Variants in SHROOM4 observed in about 807,000 individuals in gnomAD.
SHROOM4 encodes shroom family member 4.
A neutral mutation model predicts 80.3 loss-of-function variants in SHROOM4; 17 were observed. The ratio of observed to expected loss-of-function variants is 0.21; its 90% CI spans 0.14 to 0.32. The LOEUF is 0.32. Among genes scored for constraint, SHROOM4 ranks in the 10% least tolerant of loss-of-function variants. The probability of loss-of-function intolerance (pLI) is 1.00; values close to 1 mark genes in which losing one functional copy is unlikely to be tolerated. For synonymous variants in SHROOM4, 400 were observed against 437.5 expected (o/e 0.91, Z 1.07); for missense variants, 993 against 1,140.3 (o/e 0.87, Z 1.86).
chrX:50,654,233 T>C (rs1191465295), intron 2 of SHROOM4, among the ~76,000 whole-genome samples: 2 of 111,568 alleles, frequency 1.8e-5, no homozygotes, highest in African/African-American at 3.3e-5. Context: ...CAGGGGGAGA[T>C]AAGTGCTGGT....
Position 50,795,062 on chromosome X carries a change from G to C in SHROOM4, c.117+18840C>G, listed in dbSNP as rs187024484. Among the ~76,000 whole-genome samples, 44 of 34,045 alleles carry C rather than the reference G, an allele frequency of 1.3e-3. 3 individuals carry two copies. The highest frequency in any genetic ancestry group is 0.033 in the Middle Eastern group (2 of 60). 29.6% of individuals were successfully genotyped at this position (34,045 alleles called of 115,157 possible). Reference sequence around the variant, plus strand: ...TCTCATATATATATGATATATATATGATATATATATATGATATATATATAT... The same window carrying C: ...TCTCATATATATATGATATATATATCATATATATATATGATATATATATAT... On this transcript the variant is annotated intron_variant, in intron 1 of 8. Transcript: ENST00000376020.
chrX:50,801,261 G>GGAGA (rs781878531), intron 1 of SHROOM4, among the ~76,000 whole-genome samples: 953 of 81,520 alleles, frequency 0.012, 15 homozygotes, highest in African/African-American at 0.036. Context: ...GAGAGAAAGA[G>GGAGA]GAGAGAGAGA....
At chrX:50,646,401 G>A (rs1931838696) in intron 2 of SHROOM4, among the ~76,000 whole-genome samples, 2 of 110,282 alleles carry the variant, frequency 1.8e-5, no homozygotes, top group Non-Finnish European at 3.8e-5. Flanking sequence ...GAGGGGAAAA[G>A]CTGCCTGGTC....
chrX:50,691,765 T>C (rs1473247988), intron 2 of SHROOM4, among the ~76,000 whole-genome samples: 1 of 111,891 alleles, frequency 8.9e-6, no homozygotes, highest in African/African-American at 3.3e-5. Context: ...TCTACCTGTA[T>C]AAAACACTAG....
chrX:50,585,792 G>C (rs1333502113), downstream of SHROOM4, among the ~76,000 whole-genome samples: 2 of 111,138 alleles, frequency 1.8e-5, no homozygotes, highest in Non-Finnish European at 3.8e-5. Flanking sequence ...AAAGATACAT[G>C]GTTTTTCTCA....
intron 1 of SHROOM4, among the ~76,000 whole-genome samples, chrX:50,812,749 C>T (rs1376292270): frequency 1.5e-5 from 1 of 68,452 alleles, no homozygotes; most frequent in African/African-American, 4.3e-5. Context: ...TGAACCCCAC[C>T]CCCCCGCAAA....
chrX:50,711,897 A>G (rs1292567270), intron 1 of SHROOM4, among the ~76,000 whole-genome samples: 1 of 112,525 alleles, frequency 8.9e-6, no homozygotes, highest in Non-Finnish European at 1.9e-5. Context: ...AAATCGTACT[A>G]TGTGCAAGGC....
intron 1 of SHROOM4, among the ~76,000 whole-genome samples, chrX:50,712,969 C>T (rs1043959058): frequency 5.4e-5 from 6 of 111,233 alleles, no homozygotes; most frequent in Non-Finnish European, 1.1e-4. Flanking sequence ...TTCTCTGAGT[C>T]CCCTACCTGG....
At chrX:50,641,022 AGTTATGACTATGACT>A (rs1329663248) in intron 2 of SHROOM4, among the ~76,000 whole-genome samples, 1 of 112,538 alleles carries the variant, frequency 8.9e-6, no homozygotes, top group Non-Finnish European at 1.9e-5. Context: ...GACCAATCAT[AGTTATGACTATGACT>A]GTTCCCTCTG....
chrX:50,637,484 T>G (rs1183427513), intron 3 of SHROOM4, among the ~76,000 whole-genome samples: 1 of 112,927 alleles, frequency 8.9e-6, no homozygotes, highest in African/African-American at 3.2e-5. Context: ...TGTCAAAGTG[T>G]GTTTCTGCAT....
intron 1 of SHROOM4, among the ~76,000 whole-genome samples, chrX:50,756,877 T>C (rs1935050006): frequency 8.9e-6 from 1 of 112,189 alleles, no homozygotes. Flanking sequence ...TTATATTTTC[T>C]GAATCTAAAG....
At chrX:50,787,808 A>G (rs1159422795) in intron 1 of SHROOM4, among the ~76,000 whole-genome samples, 2 of 109,457 alleles carry the variant, frequency 1.8e-5, no homozygotes, top group Non-Finnish European at 3.8e-5. Flanking sequence ...AGAATACTAT[A>G]CCTGTCAAAA....
chrX:50,748,322 A>G (rs1197121987), intron 1 of SHROOM4, among the ~76,000 whole-genome samples: 1 of 111,394 alleles, frequency 9.0e-6, no homozygotes, highest in Non-Finnish European at 1.9e-5. Flanking sequence ...AGGTGTTCAT[A>G]CATGTTGGAA....
intron 1 of SHROOM4, among the ~76,000 whole-genome samples, chrX:50,778,909 T>C (rs1339922404): frequency 2.7e-5 from 3 of 111,853 alleles, no homozygotes; most frequent in African/African-American, 9.8e-5. Flanking sequence ...TGTGCCTCAA[T>C]TGCCTCATCC....
rs949903441 is a variant in SHROOM4, at chrX:50,587,045, C to T, written c.*9650G>A. On this transcript the variant is annotated 3_prime_UTR_variant, in exon 9 of 9. Coordinates refer to ENST00000376020, the MANE Select transcript of SHROOM4 (RefSeq NM_020717.5). ...ATTTATACATCTTATGTAGCTGCAA[C>T]TTTGTAGCTTTGACCAACATCCTCA... Among the ~76,000 whole-genome samples, 15 of 111,904 alleles carry T rather than the reference C, an allele frequency of 1.3e-4. No individual in the cohort carries two copies. Among genetic ancestry groups the T allele is most frequent in the African/African-American group, 4.9e-4 (15 of 30,797 alleles).
intron 1 of SHROOM4, among the ~76,000 whole-genome samples, chrX:50,756,341 G>T (rs889073015): frequency 6.3e-4 from 70 of 111,854 alleles, no homozygotes; most frequent in African/African-American, 2.2e-3. Context: ...TTTCACTGCC[G>T]AACAATATTC....
intron 2 of SHROOM4, among the ~76,000 whole-genome samples, chrX:50,680,468 C>T (rs1294783573): frequency 1.8e-5 from 2 of 110,962 alleles, no homozygotes; most frequent in Non-Finnish European, 3.8e-5. Context: ...CAACTGATTA[C>T]ATTTTGTCAC....
chrX:50,602,630 T>C lies in SHROOM4; in HGVS notation c.3942+3A>G, dbSNP rs1266811081. 8.3e-7 allele frequency: 1 copy of C among 1,209,125 alleles called. No homozygotes were observed. The highest frequency in any genetic ancestry group is 1.1e-6 in the Non-Finnish European group (1 of 894,757). On this transcript the variant is annotated splice_donor_region_variant and intron_variant, in intron 7 of 8. Coordinates refer to ENST00000376020, the MANE Select transcript of SHROOM4 (RefSeq NM_020717.5). The stretch of plus-strand genomic sequence containing the variant: ...ATCTCTAGGACACATCAAAAAACTT[T>C]ACCTTTTTTTGAGCCAGTTCATGGT...
intron 1 of SHROOM4, among the ~76,000 whole-genome samples, chrX:50,796,850 C>T (rs1557272160): frequency 9.1e-6 from 1 of 110,240 alleles, no homozygotes; most frequent in East Asian, 2.9e-4. Flanking sequence ...TTAATGCTAG[C>T]TGAGTGGGGA....
Sources: gnomAD v4.1 joint callset for allele counts (sites outside exome capture counted in the v4.1 genomes callset) on GRCh38, gnomAD v4.1.1 for gene constraint, MANE v1.5 for transcripts, NCBI Gene and HGNC (gene_info 2026-07-23, HGNC 2026-07-21) for gene names.